The following RANBP17 variants were observed in gnomAD, a reference collection of about 807,000 sequenced individuals.
The protein encoded by RANBP17 is ran-binding protein 17.
A neutral mutation model predicts 141.2 loss-of-function variants in RANBP17; 158 were observed. The observed-to-expected ratio is 1.12, with a 90% CI of 0.98 to 1.28. RANBP17 has a LOEUF of 1.28. RANBP17 is among the 50% of genes most tolerant of loss of function. RANBP17 has a pLI of 0.00. For synonymous variants in RANBP17, 430 were observed against 450.0 expected (o/e 0.96, Z 0.56); for missense variants, 1,438 against 1,290.7 (o/e 1.11, Z -1.75).
At chr5:170,882,148 A>G (rs1768754066) in intron 3 of RANBP17, among the ~76,000 whole-genome samples, 1 of 152,072 alleles carries the variant, frequency 6.6e-6, no homozygotes, top group African/African-American at 2.4e-5. Flanking sequence ...CAGTGGCGCG[A>G]TCTCAGCTCA....
intron 7 of RANBP17, among the ~76,000 whole-genome samples, chr5:170,913,296 C>T (rs1351208855): frequency 6.6e-6 from 1 of 151,858 alleles, no homozygotes; most frequent in Non-Finnish European, 1.5e-5. Flanking sequence ...AGTTGTATAA[C>T]AAAGTTAAGG....
chr5:170,862,294 G>C (rs1182925954), intron 1 of RANBP17, among the ~76,000 whole-genome samples: 2 of 152,182 alleles, frequency 1.3e-5, no homozygotes, highest in Non-Finnish European at 2.9e-5. Flanking sequence ...GGCGGCGGGT[G>C]GAGGGGGCGG....
intron 14 of RANBP17, among the ~76,000 whole-genome samples, chr5:171,137,462 G>C (rs539505822): frequency 6.6e-6 from 1 of 152,180 alleles, no homozygotes; most frequent in East Asian, 1.9e-4. Flanking sequence ...TTTTGCTACA[G>C]GGTTGTCATT....
chr5:171,070,142 A>G (rs369377259), intron 14 of RANBP17, among the ~76,000 whole-genome samples: 43 of 152,294 alleles, frequency 2.8e-4, no homozygotes, highest in African/African-American at 1.0e-3. Context: ...AGCAAGTTCT[A>G]TTAATTAGCC....
At chr5:171,293,683 A>C (rs1768643875) in intron 25 of RANBP17, among the ~76,000 whole-genome samples, 200 bp from the exon 26 acceptor site, 1 of 152,184 alleles carries the variant, frequency 6.6e-6, no homozygotes, top group Non-Finnish European at 1.5e-5. Flanking sequence ...AAGCTCTTCC[A>C]CAGGGAGCTA....
chr5:171,088,486 T>C (rs1419892323), intron 14 of RANBP17, among the ~76,000 whole-genome samples: 1 of 152,158 alleles, frequency 6.6e-6, no homozygotes, highest in East Asian at 1.9e-4. Context: ...ATTCTCTGTA[T>C]TTCCTGAATC....
chr5:171,199,493 G>A (rs1762173582), intron 18 of RANBP17, among the ~76,000 whole-genome samples, 177 bp from the exon 19 acceptor site: 1 of 152,168 alleles, frequency 6.6e-6, no homozygotes, highest in South Asian at 2.1e-4. Flanking sequence ...TGATGCAAAA[G>A]AGAAGGCACA....
chr5:171,230,723 T>A (rs1446456644), intron 22 of RANBP17, among the ~76,000 whole-genome samples: 1 of 152,058 alleles, frequency 6.6e-6, no homozygotes, highest in Non-Finnish European at 1.5e-5. Context: ...GATCGCACCT[T>A]TGCATTCCAG....
At chr5:171,117,694 A>G (rs180798378) in intron 14 of RANBP17, among the ~76,000 whole-genome samples, 1 of 151,984 alleles carries the variant, frequency 6.6e-6, no homozygotes, top group African/African-American at 2.4e-5. Context: ...GGGTTTCACC[A>G]TGTTGACCAT....
intron 14 of RANBP17, among the ~76,000 whole-genome samples, chr5:170,997,992 G>C (rs775049320): frequency 6.6e-6 from 1 of 151,590 alleles, no homozygotes; most frequent in Admixed American, 6.6e-5. Context: ...GCTCACACCT[G>C]TAATCCCAGC....
intron 14 of RANBP17, among the ~76,000 whole-genome samples, chr5:171,097,340 T>G (rs1394645973): frequency 6.6e-6 from 1 of 152,060 alleles, no homozygotes; most frequent in Admixed American, 6.6e-5. Flanking sequence ...TGTATCAAAT[T>G]CTAGATGTTA....
intron 14 of RANBP17, among the ~76,000 whole-genome samples, chr5:171,075,800 A>G (rs533681720): frequency 4.9e-4 from 74 of 152,256 alleles, no homozygotes; most frequent in Non-Finnish European, 9.3e-4. Flanking sequence ...TAAAAATACA[A>G]AAATTAGCTG....
At chr5:171,124,855 A>G (rs1756313638) in intron 14 of RANBP17, among the ~76,000 whole-genome samples, 1 of 152,240 alleles carries the variant, frequency 6.6e-6, no homozygotes. Context: ...GGAGGAAGTC[A>G]TCACCTGTCA....
At chr5:170,868,801 T>G (rs1282125973) in intron 1 of RANBP17, among the ~76,000 whole-genome samples, 3 of 152,172 alleles carry the variant, frequency 2.0e-5, no homozygotes, top group Admixed American at 1.3e-4. Context: ...AGATGAAAAT[T>G]TATCAGTTTA....
intron 25 of RANBP17, among the ~76,000 whole-genome samples, chr5:171,267,026 C>CTT (rs35762251): frequency 0.066 from 7,545 of 114,536 alleles, 1,277 homozygotes; most frequent in African/African-American, 0.24. Context: ...ATTTTCTTTT[C>CTT]TTTTTTTTTT....
chr5:170,972,950 A>C (rs1010875247), intron 14 of RANBP17, among the ~76,000 whole-genome samples: 1 of 152,202 alleles, frequency 6.6e-6, no homozygotes, highest in African/African-American at 2.4e-5. Flanking sequence ...GTTACTTATA[A>C]AATGAATTCT....
chr5:171,146,245 C>G (rs902648723), intron 14 of RANBP17, among the ~76,000 whole-genome samples: 3 of 152,098 alleles, frequency 2.0e-5, no homozygotes, highest in African/African-American at 7.2e-5. Flanking sequence ...CCAAAAATCT[C>G]GGAGCATATT....
intron 14 of RANBP17, among the ~76,000 whole-genome samples, chr5:171,023,047 C>T (rs1581424877): frequency 6.6e-6 from 1 of 152,236 alleles, no homozygotes; most frequent in African/African-American, 2.4e-5. Flanking sequence ...CCATGTGGCT[C>T]AGATGGGCCA....
At chr5:171,291,616 C>G (rs1267538443) in intron 25 of RANBP17, among the ~76,000 whole-genome samples, 2 of 152,174 alleles carry the variant, frequency 1.3e-5, no homozygotes, top group South Asian at 4.1e-4. Flanking sequence ...TTCATATGAC[C>G]TGGGAAGTGA....
Sources: allele counts gnomAD v4.1 joint callset (sites outside exome capture counted in the v4.1 genomes callset), GRCh38; gene constraint gnomAD v4.1.1; transcripts MANE v1.5; gene names NCBI Gene and HGNC (gene_info 2026-07-23, HGNC 2026-07-21).